The following CEP170 variants were observed in gnomAD, a reference collection of about 807,000 sequenced individuals.
CEP170 encodes the protein centrosomal protein 170.
In CEP170, 21 loss-of-function variants were observed where a neutral mutation model predicts 151.9. The observed-to-expected ratio is 0.14, with a 90% confidence interval of 0.10 to 0.20. CEP170 has a LOEUF of 0.20. CEP170 is among the 10% of genes least tolerant of loss of function. The probability of loss-of-function intolerance (pLI) is 1.00; values close to 1 mark genes in which losing one functional copy is unlikely to be tolerated. For missense variants in CEP170, 964 were observed against 1,892.9 expected, an observed-to-expected ratio of 0.51 and a Z score of 9.11; for synonymous variants, 356 against 648.8, an observed-to-expected ratio of 0.55 and a Z score of 6.86.
chr1:243,200,065 A>T (rs1211557890), intron 6 of CEP170, among the ~76,000 whole-genome samples: 3 of 152,020 alleles, frequency 2.0e-5, no homozygotes, highest in Non-Finnish European at 4.4e-5. Flanking sequence ...CAAGACTTAA[A>T]TTTGCCTTAT....
At chr1:243,181,698 T>G (rs548143486) in intron 10 of CEP170, among the ~76,000 whole-genome samples, 1 of 152,340 alleles carries the variant, frequency 6.6e-6, no homozygotes, top group Admixed American at 6.5e-5. Context: ...AAAGGCATTC[T>G]GTGCTCATCA....
chr1:243,204,811 C>T (rs1239806882), intron 4 of CEP170, among the ~76,000 whole-genome samples: 1 of 152,094 alleles, frequency 6.6e-6, no homozygotes, highest in Non-Finnish European at 1.5e-5. Flanking sequence ...TTAGCTTCTA[C>T]TTCACCCCTG....
At chr1:243,141,706 C>T (rs2055854146) in intron 15 of CEP170, among the ~76,000 whole-genome samples, 1 of 152,182 alleles carries the variant, frequency 6.6e-6, no homozygotes, top group Non-Finnish European at 1.5e-5. Context: ...TGGAGTTATA[C>T]TGTAAGAGGC....
chr1:243,142,481 AAAG>A lies in CEP170; in HGVS notation c.3912-21_3912-19del. 10 of 1,543,850 alleles carry A rather than the reference AAAG, an allele frequency of 6.5e-6. No individual in the cohort carries two copies. Among genetic ancestry groups the A allele is most frequent in the Non-Finnish European group, 8.7e-6 (10 of 1,145,238 alleles). On this transcript the variant is annotated intron_variant, in intron 14 of 19. Coordinates refer to ENST00000366542, the MANE Select transcript of CEP170 (RefSeq NM_014812.3). ...GGCTGATCCTGGTAATAATTTTAGA[AAAG>A]AAGTTTAATCCCTTTTAAATAAACA...
At chr1:243,176,192 A>G (rs192762967) in intron 10 of CEP170, among the ~76,000 whole-genome samples, 18 of 152,072 alleles carry the variant, frequency 1.2e-4, no homozygotes, top group African/African-American at 3.9e-4. Context: ...ATAGTACAAA[A>G]TCTAGGTCTT....
chr1:243,158,525 A>G (rs2057767792), intron 13 of CEP170, among the ~76,000 whole-genome samples: 4 of 152,230 alleles, frequency 2.6e-5, no homozygotes, highest in Admixed American at 6.5e-5. Flanking sequence ...GGCAGACTAC[A>G]TGAAAGCAGA....
intron 10 of CEP170, among the ~76,000 whole-genome samples, chr1:243,175,613 A>C (rs1404958504): frequency 6.6e-6 from 1 of 152,200 alleles, no homozygotes; most frequent in Non-Finnish European, 1.5e-5. Flanking sequence ...AAAAGAGCTG[A>C]TAATTGTACA....
chr1:243,200,915 T>C, intron 4 of CEP170, 80 bp from the exon 5 acceptor site: 1 of 1,502,798 alleles, frequency 6.7e-7, no homozygotes, highest in South Asian at 1.3e-5. Flanking sequence ...AATTTAGAAA[T>C]TGTTCTATTT....
intron 11 of CEP170, among the ~76,000 whole-genome samples, chr1:243,170,002 G>A (rs2058715519): frequency 6.6e-6 from 1 of 152,122 alleles, no homozygotes; most frequent in South Asian, 2.1e-4. Context: ...ACAAGCCAAG[G>A]CTTCATATGA....
intron 11 of CEP170, among the ~76,000 whole-genome samples, chr1:243,172,030 C>A (rs1302178239): frequency 6.6e-6 from 1 of 152,094 alleles, no homozygotes; most frequent in Non-Finnish European, 1.5e-5. Flanking sequence ...TCAGGCAGTG[C>A]CCTCGTACAT....
At chr1:243,141,844 G>T (rs551403746) in intron 15 of CEP170, among the ~76,000 whole-genome samples, 2 of 152,270 alleles carry the variant, frequency 1.3e-5, no homozygotes, top group East Asian at 3.9e-4. Context: ...ATATCTTTAT[G>T]TGTATGTGTT....
At chr1:243,238,326 A>G (rs2064452759) in intron 1 of CEP170, among the ~76,000 whole-genome samples, 2 of 152,110 alleles carry the variant, frequency 1.3e-5, no homozygotes, top group Non-Finnish European at 2.9e-5. Context: ...AGGTGTGGTG[A>G]CGTGCACCTG....
chr1:243,158,226 G>A (rs951982632), intron 13 of CEP170, among the ~76,000 whole-genome samples: 3 of 152,102 alleles, frequency 2.0e-5, no homozygotes, highest in African/African-American at 7.2e-5. Flanking sequence ...AAACAAATTT[G>A]TACGTTTCAA....
intron 4 of CEP170, among the ~76,000 whole-genome samples, chr1:243,210,608 ATT>A (rs751388751): frequency 5.1e-3 from 348 of 67,920 alleles, no homozygotes; most frequent in African/African-American, 0.019. Context: ...ATTTTTCGTA[ATT>A]TTTTTTTTTT....
chr1:243,128,764 G>C (rs534147113), intron 18 of CEP170: 1 of 153,286 alleles, frequency 6.5e-6, no homozygotes, highest in African/African-American at 2.4e-5. Flanking sequence ...ACAGAGTTTC[G>C]CCATATTGGC....
intron 13 of CEP170, among the ~76,000 whole-genome samples, chr1:243,157,289 TCA>T: frequency 6.6e-6 from 1 of 152,290 alleles, no homozygotes; most frequent in South Asian, 2.1e-4. Context: ...ATGGTATTGC[TCA>T]CACATTTAAA....
intron 17 of CEP170, among the ~76,000 whole-genome samples, chr1:243,134,093 A>G (rs1200796550): frequency 6.6e-6 from 1 of 152,192 alleles, no homozygotes; most frequent in African/African-American, 2.4e-5. Flanking sequence ...TTGGGCTTCA[A>G]GTGGAAATAG....
At chr1:243,251,664 T>C (rs2065951475) in intron 1 of CEP170, among the ~76,000 whole-genome samples, 1 of 152,192 alleles carries the variant, frequency 6.6e-6, no homozygotes, top group South Asian at 2.1e-4. Flanking sequence ...TTATTACTTA[T>C]GGATATACTT....
At chr1:243,210,918 T>G (rs2061745195) in intron 4 of CEP170, among the ~76,000 whole-genome samples, 1 of 152,118 alleles carries the variant, frequency 6.6e-6, no homozygotes, top group Admixed American at 6.5e-5. Context: ...CCACAGCACC[T>G]GGACTATTTC....
Sources: gnomAD v4.1 joint callset for allele counts (sites outside exome capture counted in the v4.1 genomes callset) on GRCh38, gnomAD v4.1.1 for gene constraint, MANE v1.5 for transcripts, NCBI Gene and HGNC (gene_info 2026-07-23, HGNC 2026-07-21) for gene names.